The following NRXN1 variants were observed in gnomAD, a reference collection of about 807,000 sequenced individuals.
NRXN1 encodes neurexin 1.
Under a neutral mutation model 150.9 loss-of-function variants are expected in NRXN1, and 39 were observed. That is an observed-to-expected ratio of 0.26 (90% CI 0.20 to 0.34). The LOEUF (loss-of-function observed/expected upper bound fraction) is 0.34, where lower values mean the gene tolerates loss of function less well. Ranked by LOEUF, NRXN1 falls within the 10% of genes least tolerant of loss-of-function variation. The probability of loss-of-function intolerance (pLI) is 1.00; values close to 1 mark genes in which losing one functional copy is unlikely to be tolerated. For synonymous variants in NRXN1, 924 were observed against 757.0 expected, an observed-to-expected ratio of 1.22 and a Z score of -3.62; for missense variants, 1,815 against 1,949.9, an observed-to-expected ratio of 0.93 and a Z score of 1.30.
At chr2:50,639,954 ACT>A (rs1465805206) in intron 5 of NRXN1, among the ~76,000 whole-genome samples, 1 of 152,172 alleles carries the variant, frequency 6.6e-6, no homozygotes, top group Non-Finnish European at 1.5e-5. Context: ...ATAGGAATAG[ACT>A]CTATATCATT....
intron 9 of NRXN1, 62 bp from the exon 10 acceptor site, chr2:50,538,698 T>G: frequency 2.2e-6 from 3 of 1,336,224 alleles, no homozygotes; most frequent in Non-Finnish European, 2.9e-6. Flanking sequence ...ATAATTATCT[T>G]TCTCTCTTTC....
chr2:50,865,051 T>C (rs1174307497), intron 5 of NRXN1, among the ~76,000 whole-genome samples: 1 of 151,682 alleles, frequency 6.6e-6, no homozygotes, highest in African/African-American at 2.4e-5. Flanking sequence ...AGGAAAAGAG[T>C]GCGTGTGTGT....
intron 5 of NRXN1, among the ~76,000 whole-genome samples, chr2:50,659,296 A>T (rs1686946052): frequency 1.3e-5 from 2 of 152,038 alleles, no homozygotes; most frequent in African/African-American, 2.4e-5. Flanking sequence ...TTTACCCATT[A>T]CAAAGAACCT....
intron 18 of NRXN1, among the ~76,000 whole-genome samples, chr2:50,212,206 A>G (rs769473479): frequency 6.6e-6 from 1 of 151,568 alleles, no homozygotes; most frequent in Non-Finnish European, 1.5e-5. Flanking sequence ...AAATTCTACT[A>G]ACTTCTTTAT....
At position 50,091,659 on chromosome 2, in the gene NRXN1, C is replaced by A. The variant is rs184138196; in HGVS notation, c.3547-165G>T. Among the ~76,000 whole-genome samples the A allele has an allele frequency of 5.3e-5, 8 of 152,326 alleles. No homozygotes were observed. In the East Asian group the frequency reaches 1.2e-3, roughly 22 times the overall value. ...GTAGTAGAAGCAAGATTCTTGACAT[C>A]TGGGTAAATTTAAGACATCTCTTTC... is the stretch of plus-strand genomic sequence containing the variant. On this transcript the variant is annotated intron_variant, in intron 18 of 22. Transcript: ENST00000401669.
At chr2:50,986,003 T>A (rs1479461540) in intron 2 of NRXN1, among the ~76,000 whole-genome samples, 1 of 151,368 alleles carries the variant, frequency 6.6e-6, no homozygotes, top group Non-Finnish European at 1.5e-5. Context: ...TGAACAAAAG[T>A]GACCAATAAA....
At chr2:50,220,808 G>T (rs2063825423) in intron 18 of NRXN1, among the ~76,000 whole-genome samples, 1 of 151,870 alleles carries the variant, frequency 6.6e-6, no homozygotes, top group African/African-American at 2.4e-5. Context: ...CCAAAGAATT[G>T]ATCCTCAGAG....
At chr2:50,075,349 G>C (rs1279239317) in intron 19 of NRXN1, among the ~76,000 whole-genome samples, 1 of 152,142 alleles carries the variant, frequency 6.6e-6, no homozygotes, top group African/African-American at 2.4e-5. Context: ...AATGGAGACT[G>C]GGGAGGAATA....
At chr2:50,198,294 G>A (rs1281820769) in intron 18 of NRXN1, among the ~76,000 whole-genome samples, 1 of 152,096 alleles carries the variant, frequency 6.6e-6, no homozygotes, top group Non-Finnish European at 1.5e-5. Flanking sequence ...TCATTTAATA[G>A]TTCACTCATT....
At chr2:50,727,504 T>C (rs1023194041) in intron 5 of NRXN1, among the ~76,000 whole-genome samples, 8 of 152,086 alleles carry the variant, frequency 5.3e-5, no homozygotes, top group African/African-American at 1.9e-4. Context: ...TAAGTTGTTT[T>C]TCTTCTGCCA....
intron 17 of NRXN1, among the ~76,000 whole-genome samples, chr2:50,354,879 T>C (rs540880743): frequency 6.6e-6 from 1 of 152,068 alleles, no homozygotes; most frequent in South Asian, 2.1e-4. Context: ...TCCAAGACAC[T>C]GTCTGTCATA....
chr2:50,192,449 G>A (rs1224768630), intron 18 of NRXN1, among the ~76,000 whole-genome samples: 1 of 152,088 alleles, frequency 6.6e-6, no homozygotes, highest in Non-Finnish European at 1.5e-5. Flanking sequence ...TTATAATGAT[G>A]ATAAAGATAT....
chr2:50,145,192 CA>C (rs1438925394), intron 18 of NRXN1, among the ~76,000 whole-genome samples: 1 of 151,210 alleles, frequency 6.6e-6, no homozygotes, highest in Non-Finnish European at 1.5e-5. Flanking sequence ...AGAAAAGGTG[CA>C]AAAAAAGCAC....
At chr2:50,024,346 T>A (rs1329742132) in intron 21 of NRXN1, among the ~76,000 whole-genome samples, 1 of 152,160 alleles carries the variant, frequency 6.6e-6, no homozygotes, top group Non-Finnish European at 1.5e-5. Flanking sequence ...TTCTAAAACA[T>A]CTTACATGTA....
At chr2:50,133,370 A>C (rs903493351) in intron 18 of NRXN1, among the ~76,000 whole-genome samples, 1 of 140,188 alleles carries the variant, frequency 7.1e-6, no homozygotes, top group African/African-American at 2.6e-5. Flanking sequence ...AGAAAACTTA[A>C]TGCAAGATAG....
intron 5 of NRXN1, among the ~76,000 whole-genome samples, chr2:50,792,705 C>T (rs1022364388): frequency 1.3e-4 from 20 of 151,436 alleles, no homozygotes; most frequent in Non-Finnish European, 2.2e-4. Flanking sequence ...GAAGGGTAAA[C>T]GGTTAATTAA....
At chr2:50,693,588 A>G (rs1458764248) in intron 5 of NRXN1, among the ~76,000 whole-genome samples, 2 of 152,186 alleles carry the variant, frequency 1.3e-5, no homozygotes, top group Non-Finnish European at 2.9e-5. Context: ...AAATACGTTG[A>G]ATCAATGAAC....
intron 8 of NRXN1, among the ~76,000 whole-genome samples, chr2:50,561,253 T>G (rs533758079): frequency 6.6e-6 from 1 of 152,334 alleles, no homozygotes; most frequent in East Asian, 1.9e-4. Context: ...TTATGAAGCT[T>G]TCAGTGCATA....
intron 5 of NRXN1, among the ~76,000 whole-genome samples, chr2:50,686,092 G>A (rs1161891201): frequency 6.6e-6 from 1 of 151,890 alleles, no homozygotes; most frequent in Non-Finnish European, 1.5e-5. Flanking sequence ...ATTTCTCCAG[G>A]TTTAAAGCTG....
Sources: allele counts gnomAD v4.1 joint callset (sites outside exome capture counted in the v4.1 genomes callset), GRCh38; gene constraint gnomAD v4.1.1; transcripts MANE v1.5; gene names NCBI Gene and HGNC (gene_info 2026-07-23, HGNC 2026-07-21).